The following DENND4A variants were observed in gnomAD, a reference collection of about 807,000 sequenced individuals.
The protein encoded by DENND4A is C-myc promoter-binding protein.
In DENND4A, 70 loss-of-function variants were observed where a neutral mutation model predicts 199.3. The ratio of observed to expected loss-of-function variants is 0.35; its 90% confidence interval spans 0.29 to 0.43. DENND4A has a LOEUF of 0.43. DENND4A is among the 20% of genes least tolerant of loss of function. The pLI is 1.00. For missense variants in DENND4A, 1,723 were observed against 2,255.8 expected, an observed-to-expected ratio of 0.76 and a Z score of 4.78; for synonymous variants, 686 against 766.9, an observed-to-expected ratio of 0.89 and a Z score of 1.74.
At position 65,752,378 on chromosome 15, in the gene DENND4A, C is replaced by A; in HGVS notation, c.561+1G>T. 6.7e-7 allele frequency: 1 copy of A among 1,496,508 alleles called. No individual in the cohort carries two copies. The highest frequency in any genetic ancestry group is 9.0e-7 in the Non-Finnish European group (1 of 1,105,300). The allele number at this position is 1,496,508 out of a possible 1,614,324, so 92.7% of individuals were successfully genotyped here. A position where few individuals can be genotyped will look rare whatever the true frequency, so the allele number is the denominator to read the frequency against. On this transcript the variant is annotated splice_donor_variant, in intron 4 of 32. Coordinates refer to ENST00000443035, the MANE Select transcript of DENND4A (RefSeq NM_001320835.1). LOFTEE classifies it high-confidence loss of function. ...GTTACCAGTGCAAGTAAGTCACTTA[C>A]CATACTGTTATTGAGATTCTTGTCG...
chr15:65,748,727 T>C (rs376585821), intron 4 of DENND4A, among the ~76,000 whole-genome samples: 3 of 151,768 alleles, frequency 2.0e-5, no homozygotes, highest in Non-Finnish European at 4.4e-5. Context: ...CAGGGGCTCA[T>C]GTCTGTAATC....
In DENND4A at chr15:65,703,093, C is replaced by T. The variant is rs560377068; in HGVS notation, c.2088-85G>A. 421 of 1,219,500 alleles carry T rather than the reference C, an allele frequency of 3.5e-4. 3 individuals carry two copies. In the East Asian group the frequency reaches 3.9e-3, roughly 11 times the overall value. The allele number at this position is 1,219,500 out of a possible 1,614,324, so 75.5% of individuals were successfully genotyped here. A position where few individuals can be genotyped will look rare whatever the true frequency, so the allele number is the denominator to read the frequency against. ...TAGTGGTTACAGGTTAATATAATTA[C>T]GACCAATAACTTCTTCACATAGAAT... On this transcript the variant is annotated intron_variant, in intron 15 of 32. Coordinates refer to ENST00000443035, the MANE Select transcript of DENND4A (RefSeq NM_001320835.1).
At chr15:65,756,757 C>T (rs777396581) in intron 2 of DENND4A, among the ~76,000 whole-genome samples, 2 of 152,136 alleles carry the variant, frequency 1.3e-5, no homozygotes, top group African/African-American at 2.4e-5. Context: ...ACAGTCTGGC[C>T]AGGTGCAGTG....
chr15:65,741,771 A>G lies in DENND4A; in HGVS notation c.575T>C (p.Val192Ala), dbSNP rs78666616. 68 of 1,611,946 alleles carry G rather than the reference A, an allele frequency of 4.2e-5. No homozygotes were observed. The East Asian group carries it at 1.5e-3, about 36-fold the overall frequency. ...NLNNSMWGSA[V>A]YLCYKKSVAK... ...CACCGATTTTTTATAACACAAGTAT[A>G]CTGCTGATCCCCACTGGATTTAAAA... The change falls in exon 5 of 33, where the codon GTA becomes GCA. Residue 192 changes from valine (V) to alanine (A), a missense_variant. By Grantham distance (64) the Val-to-Ala change is moderately conservative (BLOSUM62 0). Coordinates refer to ENST00000443035, the MANE Select transcript of DENND4A (RefSeq NM_001320835.1).
intron 4 of DENND4A, among the ~76,000 whole-genome samples, chr15:65,745,817 G>A (rs1187748385): frequency 6.6e-6 from 1 of 152,042 alleles, no homozygotes; most frequent in Non-Finnish European, 1.5e-5. Context: ...GGGCTCTGTA[G>A]GAAAGAGAAC....
At chr15:65,696,717 C>T in intron 21 of DENND4A, 1 of 314,954 alleles carries the variant, frequency 3.2e-6, no homozygotes, top group Non-Finnish European at 5.9e-6. Context: ...TGCATGAGGT[C>T]CATGCACAAA....
chr15:65,662,696 G>A (rs915265187), intron 32 of DENND4A, among the ~76,000 whole-genome samples: 14 of 152,140 alleles, frequency 9.2e-5, no homozygotes, highest in African/African-American at 2.7e-4. Flanking sequence ...ATAAAAATTT[G>A]CCCCTCAGAG....
At chr15:65,692,482 C>T (rs2077006994) in intron 22 of DENND4A, among the ~76,000 whole-genome samples, 1 of 152,112 alleles carries the variant, frequency 6.6e-6, no homozygotes, top group Admixed American at 6.5e-5. Context: ...ATGCTTTATG[C>T]ACAGAATTAG....
intron 4 of DENND4A, among the ~76,000 whole-genome samples, chr15:65,746,122 C>T (rs1406077970): frequency 7.0e-6 from 1 of 142,796 alleles, no homozygotes; most frequent in Non-Finnish European, 1.5e-5. Context: ...GCCTGGGCGA[C>T]AAGAGTGAAA....
chr15:65,774,278 G>A (rs1355905101), intron 1 of DENND4A, among the ~76,000 whole-genome samples: 2 of 152,136 alleles, frequency 1.3e-5, no homozygotes, highest in Admixed American at 1.3e-4. Flanking sequence ...CTCACCTGAG[G>A]TGGGGAGTTT....
At chr15:65,788,066 GTTAT>G (rs1355844344) in intron 1 of DENND4A, among the ~76,000 whole-genome samples, 5 of 151,856 alleles carry the variant, frequency 3.3e-5, no homozygotes, top group Admixed American at 6.6e-5. Context: ...GTTAGTGCTG[GTTAT>G]TTATTTATTT....
intron 23 of DENND4A, among the ~76,000 whole-genome samples, chr15:65,687,384 T>C (rs562538084): frequency 2.0e-5 from 3 of 152,170 alleles, no homozygotes; most frequent in Admixed American, 1.3e-4. Flanking sequence ...TGGACAATTA[T>C]AGGTTTTTCT....
intron 20 of DENND4A, among the ~76,000 whole-genome samples, chr15:65,699,558 T>C (rs979230408): frequency 3.3e-5 from 5 of 150,422 alleles, no homozygotes; most frequent in Non-Finnish European, 7.4e-5. Context: ...ACATAAGATA[T>C]ATAATTCTAT....
Position 65,733,796 on chromosome 15 carries a change from G to A in DENND4A, c.1041-978C>T, listed in dbSNP as rs149442800. Among the ~76,000 whole-genome samples, 1,005 of 152,230 alleles carry A rather than the reference G, an allele frequency of 6.6e-3. 9 individuals are homozygous for A. Among genetic ancestry groups the A allele is most frequent in the African/African-American group, 0.023 (966 of 41,538 alleles). Reference sequence around the variant, plus strand: ...TCTATGACCTTACCCCCAACGCCGTGCTCTCTGAAACATGTGCTGTGTCAA... The same window carrying A: ...TCTATGACCTTACCCCCAACGCCGTACTCTCTGAAACATGTGCTGTGTCAA... On this transcript the variant is annotated intron_variant, in intron 7 of 32. Coordinates refer to ENST00000443035, the MANE Select transcript of DENND4A (RefSeq NM_001320835.1).
At chr15:65,668,162 A>G (rs1199560668) in intron 27 of DENND4A, 39 bp from the exon 28 acceptor site, 4 of 1,412,004 alleles carry the variant, frequency 2.8e-6, no homozygotes, top group Non-Finnish European at 3.8e-6. Context: ...ATCAGTGTCT[A>G]GATTTACTTT....
intron 1 of DENND4A, chr15:65,771,939 T>C: frequency 6.2e-7 from 1 of 1,602,268 alleles, no homozygotes; most frequent in Non-Finnish European, 8.5e-7. Flanking sequence ...TATAAGCTTT[T>C]TTCAAATCTT....
rs2077127078 is a variant in DENND4A, at chr15:65,771,580, A to T, written c.-101-10142T>A. 3 of 1,612,708 alleles carry T rather than the reference A, an allele frequency of 1.9e-6. No individual in the cohort carries two copies. The African/African-American group carries it at 4.0e-5, about 22-fold the overall frequency. On this transcript the variant is annotated intron_variant, in intron 1 of 32. Coordinates refer to ENST00000443035, the MANE Select transcript of DENND4A (RefSeq NM_001320835.1). Reference sequence around the variant, plus strand: ...GCTGGATAAACACAGAAAAACCTCCATCTCCTCTTTCCTCTTCTCTTTCAT... The same window carrying T: ...GCTGGATAAACACAGAAAAACCTCCTTCTCCTCTTTCCTCTTCTCTTTCAT...
chr15:65,716,772 G>C (rs989901249), intron 13 of DENND4A, among the ~76,000 whole-genome samples: 1 of 151,696 alleles, frequency 6.6e-6, no homozygotes, highest in Non-Finnish European at 1.5e-5. Flanking sequence ...GTAATGGGAT[G>C]GCTGGGTCAA....
At chr15:65,772,104 T>A (rs774623600) in intron 1 of DENND4A, 161 of 911,942 alleles carry the variant, frequency 1.8e-4, no homozygotes, top group Non-Finnish European at 2.7e-4. Flanking sequence ...CTGGACGATG[T>A]CGACACATTT....
Sources: gnomAD v4.1 joint callset for allele counts (sites outside exome capture counted in the v4.1 genomes callset) on GRCh38, gnomAD v4.1.1 for gene constraint, MANE v1.5 for transcripts, NCBI Gene and HGNC (gene_info 2026-07-23, HGNC 2026-07-21) for gene names.